The following XDH variants were observed in gnomAD, a reference collection of about 807,000 sequenced individuals.
XDH encodes the protein xanthine dehydrogenase, also known as xanthine dehydrogenase/oxidase.
Under a neutral mutation model 156.1 loss-of-function variants are expected in XDH, and 138 were observed. The ratio of observed to expected loss-of-function variants is 0.88; its 90% CI spans 0.77 to 1.02. The LOEUF (loss-of-function observed/expected upper bound fraction) is 1.02. XDH is among the 50% of genes least tolerant of loss of function. The pLI is 0.00. For missense variants in XDH, 1,849 were observed against 1,684.9 expected, an observed-to-expected ratio of 1.10 and a Z score of -1.71; for synonymous variants, 669 against 625.7, an observed-to-expected ratio of 1.07 and a Z score of -1.03.
chr2:31,398,490 G>A, intron 5 of XDH, 83 bp downstream of exon 5: 2 of 1,605,344 alleles, frequency 1.2e-6, no homozygotes, highest in East Asian at 2.2e-5. Context: ...AGTCCCTCAT[G>A]CTTCTCACCC....
rs756675801 is a variant in XDH, at chr2:31,383,160, C to T, written c.887-8G>A. On this transcript the variant is annotated splice_region_variant and splice_polypyrimidine_tract_variant and intron_variant, in intron 10 of 35. Transcript: ENST00000379416. ...CAGCTCCAAAGGAGATACCTGGGAA[C>T]GCACGTTCGGAATCACAGCAATTCT... 20 of 1,614,024 alleles carry T rather than the reference C, an allele frequency of 1.2e-5. No individual in the cohort carries two copies. The Admixed American group carries it at 1.5e-4, about 12-fold the overall frequency.
Position 31,339,603 on chromosome 2 carries a change from C to T in XDH, c.3660G>A (p.Leu1220=), listed in dbSNP as rs146264603. The T allele has an allele frequency of 1.2e-6, 2 of 1,614,038 alleles. No individual in the cohort carries two copies. The highest frequency in any genetic ancestry group is 2.7e-5 in the African/African-American group (2 of 74,934). ...TGTAGGTGCTAGGGCCACGGGTGTG[C>T]AGGCTCCCCTCGGGGGAATAGTGTA... ...EELHYSPEGS[L]HTRGPSTYKI... The change falls in exon 34 of 36, where the codon CTG becomes CTA. Residue 1220 remains leucine, a synonymous_variant. Transcript: ENST00000379416.
intron 35 of XDH, 122 bp from the exon 36 acceptor site, chr2:31,336,130 G>A: frequency 1.9e-6 from 2 of 1,067,906 alleles, no homozygotes; most frequent in South Asian, 2.5e-5. Context: ...CCACTCTGCA[G>A]GCCTAGCTGT....
intron 6 of XDH, chr2:31,389,555 G>A (rs529631631): frequency 5.3e-5 from 8 of 152,146 alleles, no homozygotes; most frequent in Non-Finnish European, 1.2e-4. Flanking sequence ...GTAGGGAAAT[G>A]CCCTGGCCTA....
chr2:31,387,736 G>A (rs1558308098), intron 8 of XDH, 75 bp downstream of exon 8: 23 of 1,333,620 alleles, frequency 1.7e-5, no homozygotes, highest in Non-Finnish European at 2.3e-5. Flanking sequence ...GTTCCCAGTG[G>A]GTATGAAAAT....
At position 31,349,804 on chromosome 2, in the gene XDH, C is replaced by T. The variant is rs142675390; in HGVS notation, c.2851G>A (p.Gly951Arg). 792 of 1,614,120 alleles carry T rather than the reference C, an allele frequency of 4.9e-4. 1 individual carries two copies. The highest frequency in any genetic ancestry group is 4.6e-4 in the Non-Finnish European group (545 of 1,180,014). ...TTCTGGTTGAAGTGTGTCAGGTCCC[C>T]TTCTTTGTACAGGTTTTTTCTCCGC... Reference protein sequence around the residue: ...EVRRKNLYKEGDLTHFNQKLE... With the variant: ...EVRRKNLYKERDLTHFNQKLE... Residue 951 changes from glycine (G) to arginine (R), a missense_variant, in exon 26 of 36, where the codon GGG becomes AGG. By Grantham distance (125) the Gly-to-Arg change is moderately radical (BLOSUM62 -2). Coordinates refer to ENST00000379416, the MANE Select transcript of XDH (RefSeq NM_000379.4).
chr2:31,348,497 G>T, intron 27 of XDH, 134 bp from the exon 28 acceptor site: 1 of 788,704 alleles, frequency 1.3e-6, no homozygotes, highest in Non-Finnish European at 2.2e-6. Flanking sequence ...AAAAATTATG[G>T]CAGTATGAAT....
intron 24 of XDH, among the ~76,000 whole-genome samples, chr2:31,356,061 C>G (rs898980223): frequency 3.9e-5 from 6 of 152,054 alleles, no homozygotes; most frequent in African/African-American, 1.4e-4. Flanking sequence ...AGTGTCAATC[C>G]TCCCAAAAGA....
intron 22 of XDH, among the ~76,000 whole-genome samples, 183 bp downstream of exon 22, chr2:31,365,793 C>T (rs1685899320): frequency 6.6e-6 from 1 of 152,174 alleles, no homozygotes; most frequent in Non-Finnish European, 1.5e-5. Flanking sequence ...TGTGCCAGAC[C>T]ACAACGGAAC....
chr2:31,383,163 A>C lies in XDH; in HGVS notation c.887-11T>G, dbSNP rs749351923. On this transcript the variant is annotated splice_polypyrimidine_tract_variant and intron_variant, in intron 10 of 35. Transcript: ENST00000379416. ...CTCCAAAGGAGATACCTGGGAACGC[A>C]CGTTCGGAATCACAGCAATTCTTCC... 1.2e-6 allele frequency: 2 copies of C among 1,614,080 alleles called. No homozygotes were observed. The highest frequency in any genetic ancestry group is 2.2e-5 in the East Asian group (1 of 44,888).
At chr2:31,369,766 A>G (rs1195571251) in intron 18 of XDH, among the ~76,000 whole-genome samples, 2 of 152,236 alleles carry the variant, frequency 1.3e-5, no homozygotes, top group Admixed American at 1.3e-4. Flanking sequence ...TCACTTTTAC[A>G]TCAATAATAA....
Position 31,343,308 on chromosome 2 carries a change from A to ATGCATGTT in XDH, c.3405-1012_3405-1011insAACATGCA, listed in dbSNP as rs529785037. The stretch of plus-strand genomic sequence containing the variant: ...ACCATATATATATATATATATATAT[A>ATGCATGTT]TATATATATATATATATATGCATGT... On this transcript the variant is annotated intron_variant, in intron 31 of 35. Coordinates refer to ENST00000379416, the MANE Select transcript of XDH (RefSeq NM_000379.4). 3.4e-3 allele frequency among the ~76,000 whole-genome samples: 332 copies of ATGCATGTT among 98,474 alleles called. 9 individuals carry two copies. The highest frequency in any genetic ancestry group is 0.014 in the African/African-American group (304 of 21,384). 64.6% of individuals were successfully genotyped at this position (98,474 alleles called of 152,430 possible).
At chr2:31,353,295 C>A (rs977868658) in intron 24 of XDH, among the ~76,000 whole-genome samples, 9 of 152,118 alleles carry the variant, frequency 5.9e-5, no homozygotes, top group Non-Finnish European at 1.2e-4. Context: ...GGAGGAGCAT[C>A]AACTGAGACT....
chr2:31,386,212 C>T (rs1229925212), intron 9 of XDH, among the ~76,000 whole-genome samples: 1 of 152,192 alleles, frequency 6.6e-6, no homozygotes, highest in Non-Finnish European at 1.5e-5. Context: ...AGGGGCTGAG[C>T]CAGGCCTGTG....
rs1297828609 is a variant in XDH, at chr2:31,337,668, A to T, written c.3924T>A (p.Asn1308Lys). Residue 1308 changes from asparagine to lysine, a missense_variant, in exon 35 of 36, where the codon AAT becomes AAA. Asn to Lys is a moderately conservative substitution (Grantham distance 94). Transcript: ENST00000379416. ...DSPATPEKIR[N>K]ACVDKFTTLC... ...GGGTGGTGAACTTGTCCACGCAGGC[A>T]TTGCGGATCTTCTCCGGGGTGGCAG... is the stretch of plus-strand genomic sequence containing the variant. 6 of 1,614,192 alleles carry T rather than the reference A, an allele frequency of 3.7e-6. No individual in the cohort carries two copies. Among genetic ancestry groups the T allele is most frequent in the Non-Finnish European group, 5.1e-6 (6 of 1,180,034 alleles).
At chr2:31,394,830 C>T (rs1401894938) in intron 6 of XDH, among the ~76,000 whole-genome samples, 1 of 152,140 alleles carries the variant, frequency 6.6e-6, no homozygotes. Context: ...CTAATGAGCC[C>T]ACCGAAGGTA....
intron 30 of XDH, among the ~76,000 whole-genome samples, chr2:31,345,495 T>C (rs4951978): frequency 0.57 from 86,615 of 152,094 alleles, 26,520 homozygotes; most frequent in Admixed American, 0.69. Flanking sequence ...CCTTCTTCAT[T>C]AGCAGCCACC....
Position 31,394,526 on chromosome 2 carries a change from T to C in XDH, c.495+3142A>G, listed in dbSNP as rs532118368. On this transcript the variant is annotated intron_variant, in intron 6 of 35. Transcript: ENST00000379416. ...TTGTTTGGTTTTGGGTTTTGGTACT[T>C]ATCCTGGTTTGTGTTCTCTGAATTT... Among the ~76,000 whole-genome samples, 61 of 152,318 alleles carry C rather than the reference T, an allele frequency of 4.0e-4. No individual in the cohort carries two copies. In the Middle Eastern group the frequency reaches 0.014, roughly 34 times the overall value.
At chr2:31,398,533 T>C in intron 5 of XDH, 40 bp downstream of exon 5, 1 of 1,612,810 alleles carries the variant, frequency 6.2e-7, no homozygotes, top group South Asian at 1.1e-5. Flanking sequence ...AGGGCCTCGT[T>C]TGCCATTCCA....
Sources: gnomAD v4.1 joint callset for allele counts (sites outside exome capture counted in the v4.1 genomes callset) on GRCh38, gnomAD v4.1.1 for gene constraint, MANE v1.5 for transcripts, NCBI Gene and HGNC (gene_info 2026-07-23, HGNC 2026-07-21) for gene names.